HSD17B12: variants seen among roughly 807,000 people sequenced by gnomAD.
HSD17B12 encodes hydroxysteroid 17-beta dehydrogenase 12.
HSD17B12 carries 32 observed loss-of-function variants against 39.3 expected under a neutral mutation model. The observed-to-expected ratio is 0.81, with a 90% CI of 0.61 to 1.09. HSD17B12 has a LOEUF of 1.09. HSD17B12 is among the 50% of genes least tolerant of loss of function. The probability of loss-of-function intolerance (pLI) is 0.00; values close to 1 mark genes in which losing one functional copy is unlikely to be tolerated. For missense variants in HSD17B12, 342 were observed against 382.9 expected, an observed-to-expected ratio of 0.89 and a Z score of 0.89; for synonymous variants, 150 against 146.7, an observed-to-expected ratio of 1.02 and a Z score of -0.16.
intron 1 of HSD17B12, among the ~76,000 whole-genome samples, chr11:43,715,562 T>C (rs1003410095): frequency 4.4e-4 from 67 of 152,216 alleles, no homozygotes; most frequent in Non-Finnish European, 1.3e-4. Flanking sequence ...TCAATGTTCA[T>C]CTGAGATATT....
chr11:43,612,839 T>A, the HSD17B12 span, among the ~76,000 whole-genome samples: 1 of 152,124 alleles, frequency 6.6e-6, no homozygotes, highest in Non-Finnish European at 1.5e-5. Context: ...AAGAGAGGCC[T>A]CTTAGAAGGG....
chr11:43,809,544 C>T (rs1035895935), intron 4 of HSD17B12, among the ~76,000 whole-genome samples: 1 of 152,156 alleles, frequency 6.6e-6, no homozygotes, highest in Non-Finnish European at 1.5e-5. Flanking sequence ...ATTGGCCAGG[C>T]GTGATGGCTC....
At chr11:43,611,608 G>A in the HSD17B12 span, among the ~76,000 whole-genome samples, 7 of 152,176 alleles carry the variant, frequency 4.6e-5, no homozygotes, top group Admixed American at 6.5e-5. Context: ...ACTGATTCTA[G>A]CTTAGCAAGT....
the HSD17B12 span, among the ~76,000 whole-genome samples, chr11:43,662,510 T>A: frequency 4.1e-5 from 6 of 145,142 alleles, no homozygotes; most frequent in Non-Finnish European, 7.5e-5. Context: ...CCCCCAAAGT[T>A]GGCCACATCT....
At chr11:43,841,515 A>G (rs1951425768) in intron 9 of HSD17B12, among the ~76,000 whole-genome samples, 1 of 152,196 alleles carries the variant, frequency 6.6e-6, no homozygotes, top group African/African-American at 2.4e-5. Context: ...AGAGTTTTCT[A>G]GTTCTAGCTC....
the HSD17B12 span, among the ~76,000 whole-genome samples, chr11:43,665,975 C>T: frequency 5.3e-5 from 8 of 152,192 alleles, no homozygotes; most frequent in African/African-American, 1.7e-4. Context: ...GTTTATTGTA[C>T]GCCAAGGATA....
chr11:43,734,040 T>C, intron 1 of HSD17B12: 1 of 779,358 alleles, frequency 1.3e-6, no homozygotes, highest in Non-Finnish European at 2.3e-6. Flanking sequence ...GCGGATCCTC[T>C]TCCGGCCTAT....
At chr11:43,645,871 C>T in the HSD17B12 span, 1 of 152,266 alleles carries the variant, frequency 6.6e-6, no homozygotes, top group African/African-American at 2.4e-5. Flanking sequence ...ATCTCAGCTA[C>T]TCAGAAGGCT....
chr11:43,595,702 A>G, the HSD17B12 span, among the ~76,000 whole-genome samples: 1 of 152,208 alleles, frequency 6.6e-6, no homozygotes, highest in African/African-American at 2.4e-5. Context: ...TAACCAGGCA[A>G]TGGTTTTACT....
chr11:43,851,225 T>C (rs1951527667), intron 9 of HSD17B12, among the ~76,000 whole-genome samples: 1 of 152,248 alleles, frequency 6.6e-6, no homozygotes, highest in Non-Finnish European at 1.5e-5. Context: ...TCTGCAGCTC[T>C]CAAGGTCAGG....
At chr11:43,823,851 G>T (rs951413085) in intron 6 of HSD17B12, among the ~76,000 whole-genome samples, 4 of 152,110 alleles carry the variant, frequency 2.6e-5, no homozygotes, top group African/African-American at 9.7e-5. Flanking sequence ...GCCCTAGAAG[G>T]TTGAACTTGA....
chr11:43,768,456 C>T (rs999221681), intron 3 of HSD17B12, among the ~76,000 whole-genome samples: 1 of 152,134 alleles, frequency 6.6e-6, no homozygotes, highest in Non-Finnish European at 1.5e-5. Flanking sequence ...CTGGTGTGTC[C>T]AGAGTTGGTT....
chr11:43,676,208 G>GGCGTGT (rs1554958171), upstream of HSD17B12, among the ~76,000 whole-genome samples: 1 of 147,626 alleles, frequency 6.8e-6, no homozygotes, highest in Non-Finnish European at 1.5e-5. Context: ...AGAGGAAGAG[G>GGCGTGT]GTGTGTGTGT....
chr11:43,716,742 C>CATAT (rs34482711), intron 1 of HSD17B12, among the ~76,000 whole-genome samples: 13 of 145,694 alleles, frequency 8.9e-5, no homozygotes, highest in South Asian at 4.2e-4. Context: ...ATATATTATA[C>CATAT]ATATATATAT....
chr11:43,651,334 C>A, the HSD17B12 span, among the ~76,000 whole-genome samples: 1 of 152,170 alleles, frequency 6.6e-6, no homozygotes, highest in South Asian at 2.1e-4. Context: ...AATACTCCCT[C>A]ACTCCAAGAA....
chr11:43,700,382 T>G (rs1321767117), intron 1 of HSD17B12, among the ~76,000 whole-genome samples: 1 of 152,074 alleles, frequency 6.6e-6, no homozygotes, highest in African/African-American at 2.4e-5. Context: ...TACAATTAAG[T>G]TATTATTGAC....
At chr11:43,596,231 G>A in the HSD17B12 span, among the ~76,000 whole-genome samples, 11 of 152,212 alleles carry the variant, frequency 7.2e-5, no homozygotes, top group East Asian at 1.5e-3. Flanking sequence ...GAGGCAGCAT[G>A]AGAGGCACCA....
At chr11:43,715,909 G>A (rs1465635787) in intron 1 of HSD17B12, among the ~76,000 whole-genome samples, 1 of 152,120 alleles carries the variant, frequency 6.6e-6, no homozygotes, top group Non-Finnish European at 1.5e-5. Context: ...CTAGGTGATA[G>A]GTGTATCTGG....
the HSD17B12 span, among the ~76,000 whole-genome samples, chr11:43,601,838 C>G: frequency 6.6e-6 from 1 of 152,200 alleles, no homozygotes; most frequent in African/African-American, 2.4e-5. Context: ...TTGCTTCTCA[C>G]CAGGTTTAGA....
Sources: allele counts gnomAD v4.1 joint callset (sites outside exome capture counted in the v4.1 genomes callset), GRCh38; gene constraint gnomAD v4.1.1; transcripts MANE v1.5; gene names NCBI Gene and HGNC (gene_info 2026-07-23, HGNC 2026-07-21).